The following ZPBP variants were observed in gnomAD, a reference collection of about 807,000 sequenced individuals.
ZPBP encodes zona pellucida binding protein.
A neutral mutation model predicts 44.8 loss-of-function variants in ZPBP; 26 were observed. That is an observed-to-expected ratio of 0.58 (90% CI 0.43 to 0.81). The LOEUF is 0.81. Ranked by LOEUF, ZPBP falls within the 30% of genes least tolerant of loss-of-function variation. The probability of loss-of-function intolerance (pLI) is 0.00; values close to 1 mark genes in which losing one functional copy is unlikely to be tolerated. For missense variants in ZPBP, 409 were observed against 434.0 expected, an observed-to-expected ratio of 0.94 and a Z score of 0.51; for synonymous variants, 174 against 153.2, an observed-to-expected ratio of 1.14 and a Z score of -1.00.
At chr7:49,936,052 G>T (rs1202713587), downstream of ZPBP, 1 of 152,166 alleles carries the variant, frequency 6.6e-6, no homozygotes, top group Non-Finnish European at 1.5e-5. Context: ...GAAAGAACAT[G>T]TATTCTAATC....
intron 3 of ZPBP, among the ~76,000 whole-genome samples, chr7:50,074,444 T>C (rs1169057431): frequency 1.3e-5 from 2 of 151,908 alleles, no homozygotes; most frequent in Non-Finnish European, 2.9e-5. Context: ...ACATTAAGTG[T>C]AAATTGACTA....
chr7:50,076,851 C>G (rs980034934), intron 3 of ZPBP, among the ~76,000 whole-genome samples: 2 of 151,174 alleles, frequency 1.3e-5, no homozygotes, highest in African/African-American at 4.8e-5. Context: ...CAATGCAATC[C>G]CTATCAAAAT....
intron 1 of ZPBP, among the ~76,000 whole-genome samples, chr7:49,924,265 C>A (rs1420710191): frequency 6.6e-6 from 1 of 151,884 alleles, no homozygotes; most frequent in Non-Finnish European, 1.5e-5. Flanking sequence ...AGTGAATGAA[C>A]AGGAGACAAA....
At chr7:49,977,528 C>T (rs1177360232) in intron 7 of ZPBP, among the ~76,000 whole-genome samples, 1 of 152,074 alleles carries the variant, frequency 6.6e-6, no homozygotes, top group Non-Finnish European at 1.5e-5. Context: ...AAAACCATCT[C>T]AAGATGATTA....
At chr7:50,011,237 C>G (rs1252975112) in intron 6 of ZPBP, among the ~76,000 whole-genome samples, 1 of 152,152 alleles carries the variant, frequency 6.6e-6, no homozygotes, top group African/African-American at 2.4e-5. Context: ...AAACTTACAT[C>G]TAAGACCTGA....
At position 49,947,222 on chromosome 7, in the gene ZPBP, G is replaced by A. The variant is rs368090362; in HGVS notation, c.962-9600C>T. 6.6e-5 allele frequency among the ~76,000 whole-genome samples: 10 copies of A among 152,170 alleles called. No individual in the cohort carries two copies. In the East Asian group the frequency reaches 1.4e-3, roughly 21 times the overall value. On this transcript the variant is annotated intron_variant, in intron 7 of 7. Coordinates refer to ENST00000046087, the MANE Select transcript of ZPBP (RefSeq NM_007009.3). The stretch of plus-strand genomic sequence containing the variant: ...TGCCCTATTTAGTTCATTTGATGAG[G>A]TCATGTTTTCCTGGATGATCTTGAT...
At chr7:50,037,867 C>T (rs1705528653) in intron 4 of ZPBP, among the ~76,000 whole-genome samples, 1 of 152,166 alleles carries the variant, frequency 6.6e-6, no homozygotes, top group African/African-American at 2.4e-5. Flanking sequence ...AGTTAATAGA[C>T]TATCTCCCAG....
chr7:49,997,562 A>T (rs930556498), intron 6 of ZPBP, among the ~76,000 whole-genome samples: 3 of 152,182 alleles, frequency 2.0e-5, no homozygotes, highest in Non-Finnish European at 4.4e-5. Context: ...CTAGAAGTAA[A>T]GGGAGGTATT....
intron 2 of ZPBP, among the ~76,000 whole-genome samples, chr7:49,862,009 T>C (rs1185911943): frequency 6.6e-6 from 1 of 152,184 alleles, no homozygotes; most frequent in East Asian, 1.9e-4. Flanking sequence ...TCCATTTCCA[T>C]AAAAAATGGT....
At chr7:50,030,390 C>G (rs1459584919) in intron 5 of ZPBP, among the ~76,000 whole-genome samples, 1 of 151,646 alleles carries the variant, frequency 6.6e-6, no homozygotes, top group Non-Finnish European at 1.5e-5. Context: ...CTTCATGCCT[C>G]TCAATTGTGC....
chr7:50,042,106 T>C (rs937932351), intron 4 of ZPBP, among the ~76,000 whole-genome samples: 1 of 151,926 alleles, frequency 6.6e-6, no homozygotes, highest in Non-Finnish European at 1.5e-5. Flanking sequence ...AAATAAAGCA[T>C]GAAGACAAGA....
At chr7:49,877,477 AAAAAATAT>A (rs1353724697) in intron 2 of ZPBP, among the ~76,000 whole-genome samples, 3 of 17,298 alleles carry the variant, frequency 1.7e-4, no homozygotes, top group Admixed American at 5.9e-4. Context: ...AAAAAAAAAA[AAAAAATAT>A]ATATATATAT....
At chr7:49,855,809 C>A (rs190740220) in intron 2 of ZPBP, among the ~76,000 whole-genome samples, 1 of 152,154 alleles carries the variant, frequency 6.6e-6, no homozygotes, top group Non-Finnish European at 1.5e-5. Context: ...AGCCAGGGGC[C>A]GGTGGCTGAC....
chr7:49,958,062 A>T (rs1261112077), intron 7 of ZPBP, among the ~76,000 whole-genome samples: 1 of 152,192 alleles, frequency 6.6e-6, no homozygotes, highest in African/African-American at 2.4e-5. Flanking sequence ...AGGGTCATTT[A>T]TCCCTTTCTT....
chr7:50,062,789 T>C (rs1027377829), intron 3 of ZPBP, among the ~76,000 whole-genome samples: 3 of 150,806 alleles, frequency 2.0e-5, no homozygotes, highest in Non-Finnish European at 4.4e-5. Context: ...ATTAAAAAAA[T>C]ACCTTCTCTT....
At chr7:49,893,399 C>T (rs553834901) in intron 2 of ZPBP, among the ~76,000 whole-genome samples, 15 of 152,234 alleles carry the variant, frequency 9.9e-5, no homozygotes, top group African/African-American at 2.4e-4. Context: ...AGCTGGCAGG[C>T]GTTTTCTTTT....
intron 3 of ZPBP, among the ~76,000 whole-genome samples, chr7:50,059,338 T>C (rs1028274935): frequency 1.3e-5 from 2 of 152,180 alleles, no homozygotes; most frequent in African/African-American, 2.4e-5. Context: ...GCTTCAGGTA[T>C]TGAAAGAGAA....
chr7:49,905,227 T>C (rs2128738845), intron 1 of ZPBP, among the ~76,000 whole-genome samples: 1 of 152,298 alleles, frequency 6.6e-6, no homozygotes, highest in Admixed American at 6.5e-5. Flanking sequence ...TGGGCAGTTC[T>C]ATGATGTATT....
chr7:49,951,853 T>A (rs757719892), intron 7 of ZPBP, among the ~76,000 whole-genome samples: 5 of 151,620 alleles, frequency 3.3e-5, no homozygotes, highest in Non-Finnish European at 5.9e-5. Context: ...ATAAACAAAT[T>A]GTATATATAT....
Sources: allele counts gnomAD v4.1 joint callset (sites outside exome capture counted in the v4.1 genomes callset), GRCh38; gene constraint gnomAD v4.1.1; transcripts MANE v1.5; gene names NCBI Gene and HGNC (gene_info 2026-07-23, HGNC 2026-07-21).